The following BICD1 variants were observed in gnomAD, a reference collection of about 807,000 sequenced individuals.
The protein encoded by BICD1 is protein bicaudal D homolog 1.
Under a neutral mutation model 92.5 loss-of-function variants are expected in BICD1, and 35 were observed. That is an observed-to-expected ratio of 0.38 (90% CI 0.29 to 0.50). The LOEUF is 0.50. Ranked by LOEUF, BICD1 falls within the 20% of genes least tolerant of loss-of-function variation. BICD1 has a pLI of 0.93. For missense variants in BICD1, 950 were observed against 1,189.8 expected, an observed-to-expected ratio of 0.80 and a Z score of 2.97; for synonymous variants, 429 against 465.1, an observed-to-expected ratio of 0.92 and a Z score of 1.00.
At chr12:32,185,241 G>A (rs1274089715) in intron 1 of BICD1, among the ~76,000 whole-genome samples, 2 of 152,116 alleles carry the variant, frequency 1.3e-5, no homozygotes, top group African/African-American at 4.8e-5. Flanking sequence ...TCACAGGAAT[G>A]TTTTATTATT....
intron 2 of BICD1, among the ~76,000 whole-genome samples, chr12:32,288,878 T>A (rs979937210): frequency 4.6e-5 from 7 of 151,126 alleles, no homozygotes; most frequent in Non-Finnish European, 8.8e-5. Flanking sequence ...AAAAAAAAAA[T>A]TATAGTAATT....
intron 1 of BICD1, among the ~76,000 whole-genome samples, chr12:32,188,251 A>T (rs1944474730): frequency 6.6e-6 from 1 of 152,136 alleles, no homozygotes; most frequent in South Asian, 2.1e-4. Context: ...TATAAATGCA[A>T]TTTTATTTAC....
Position 32,147,891 on chromosome 12 carries a change from C to G in BICD1, c.213+40347C>G, listed in dbSNP as rs144552720. Among the ~76,000 whole-genome samples, 1,042 of 152,176 alleles carry G rather than the reference C, an allele frequency of 6.8e-3. 10 individuals are homozygous for G. Among genetic ancestry groups the G allele is most frequent in the Middle Eastern group, 0.017 (5 of 294 alleles). On this transcript the variant is annotated intron_variant, in intron 1 of 9. Coordinates refer to ENST00000652176, the MANE Select transcript of BICD1 (RefSeq NM_001714.4). ...CTGTGGCACACGCCTAAAATTGTAGCACTTTGGGAGGCTGAAGTGGGAGGA... is the reference window on the plus strand; with the variant it reads ...CTGTGGCACACGCCTAAAATTGTAGGACTTTGGGAGGCTGAAGTGGGAGGA...
intron 8 of BICD1, among the ~76,000 whole-genome samples, chr12:32,355,026 CATT>C (rs1939044833): frequency 6.6e-6 from 1 of 152,134 alleles, no homozygotes; most frequent in Non-Finnish European, 1.5e-5. Flanking sequence ...AATTCACTAA[CATT>C]ATTAATCATT....
intron 2 of BICD1, among the ~76,000 whole-genome samples, chr12:32,284,478 C>T (rs934026170): frequency 1.3e-5 from 2 of 152,150 alleles, no homozygotes; most frequent in Admixed American, 6.5e-5. Flanking sequence ...CATCAGTCAG[C>T]GACCAAATCC....
intron 1 of BICD1, among the ~76,000 whole-genome samples, chr12:32,118,655 A>G (rs908562736): frequency 2.0e-5 from 3 of 152,142 alleles, no homozygotes; most frequent in Admixed American, 2.0e-4. Context: ...CAAATACTAC[A>G]CTATTTTATC....
chr12:32,358,266 A>G (rs1369675849), intron 8 of BICD1, among the ~76,000 whole-genome samples: 1 of 151,712 alleles, frequency 6.6e-6, no homozygotes, highest in African/African-American at 2.4e-5. Context: ...ATGCCCAGCT[A>G]ATTTTTGTTA....
In BICD1 at chr12:32,346,590, A is replaced by ATATATATATATATATATACGTG. The variant is rs1555171248; in HGVS notation, c.2764+7629_2764+7630insCGTGTATATATATATATATATA. On this transcript the variant is annotated intron_variant, in intron 8 of 9. Coordinates refer to ENST00000652176, the MANE Select transcript of BICD1 (RefSeq NM_001714.4). ...TATATATATATATATATACGTGTAT[A>ATATATATATATATATATACGTG]TATATATATATATATATATATACGT... Among the ~76,000 whole-genome samples the ATATATATATATATATATACGTG allele has an allele frequency of 1.6e-3, 10 of 6,072 alleles. 1 individual carries two copies. The highest frequency in any genetic ancestry group is 0.013 in the South Asian group (1 of 76). 4.0% of individuals were successfully genotyped at this position (6,072 alleles called of 152,430 possible).
chr12:32,277,360 C>G (rs1356253292), intron 2 of BICD1, among the ~76,000 whole-genome samples: 1 of 152,174 alleles, frequency 6.6e-6, no homozygotes, highest in Non-Finnish European at 1.5e-5. Flanking sequence ...TGCCACTGCA[C>G]TCCAGCCTGG....
intron 1 of BICD1, among the ~76,000 whole-genome samples, chr12:32,170,368 A>G (rs1035863700): frequency 1.3e-5 from 2 of 152,232 alleles, no homozygotes; most frequent in African/African-American, 4.8e-5. Flanking sequence ...GGCAGGATAT[A>G]CATTCAATAA....
chr12:32,232,820 T>C (rs1945932457), intron 2 of BICD1, among the ~76,000 whole-genome samples: 1 of 152,164 alleles, frequency 6.6e-6, no homozygotes, highest in African/African-American at 2.4e-5. Flanking sequence ...TAGCCAGTTT[T>C]CCCAGCACCA....
chr12:32,221,806 G>A (rs1945540557), intron 2 of BICD1, among the ~76,000 whole-genome samples: 1 of 152,074 alleles, frequency 6.6e-6, no homozygotes, highest in Admixed American at 6.5e-5. Flanking sequence ...ATCCTACAGG[G>A]CCAATAATAG....
At chr12:32,345,059 G>T (rs1938515776) in intron 8 of BICD1, among the ~76,000 whole-genome samples, 1 of 152,160 alleles carries the variant, frequency 6.6e-6, no homozygotes, top group Non-Finnish European at 1.5e-5. Context: ...GGCCAAAGCA[G>T]GAGGATTGCT....
chr12:32,223,778 T>C (rs1178009551), intron 2 of BICD1, among the ~76,000 whole-genome samples: 1 of 152,214 alleles, frequency 6.6e-6, no homozygotes, highest in East Asian at 1.9e-4. Flanking sequence ...AAAGTACGAT[T>C]CTTTCACTTG....
chr12:32,225,708 C>T (rs1248070954), intron 2 of BICD1, among the ~76,000 whole-genome samples: 1 of 148,486 alleles, frequency 6.7e-6, no homozygotes, highest in African/African-American at 2.5e-5. Context: ...GCAACCTCCA[C>T]CTTCCGGGTT....
chr12:32,247,947 G>A (rs899887382), intron 2 of BICD1, among the ~76,000 whole-genome samples: 2 of 151,686 alleles, frequency 1.3e-5, no homozygotes, highest in African/African-American at 2.4e-5. Flanking sequence ...TAGCCACGTG[G>A]TGGTGCGCAC....
At chr12:32,144,866 G>A (rs1413276415) in intron 1 of BICD1, among the ~76,000 whole-genome samples, 1 of 152,178 alleles carries the variant, frequency 6.6e-6, no homozygotes, top group Non-Finnish European at 1.5e-5. Context: ...TCACCTCAGA[G>A]CTCAGAGTGC....
At chr12:32,369,725 C>A (rs1223573926) in intron 9 of BICD1, among the ~76,000 whole-genome samples, 1 of 150,024 alleles carries the variant, frequency 6.7e-6, no homozygotes, top group Non-Finnish European at 1.5e-5. Context: ...GACCTCCACC[C>A]CCGACCTCTA....
intron 2 of BICD1, among the ~76,000 whole-genome samples, chr12:32,290,188 A>G (rs927961456): frequency 8.4e-6 from 1 of 119,596 alleles, no homozygotes; most frequent in Non-Finnish European, 1.9e-5. Context: ...GTAGGTTGAA[A>G]GCAGGTTTCC....
Sources: gnomAD v4.1 joint callset for allele counts (sites outside exome capture counted in the v4.1 genomes callset) on GRCh38, gnomAD v4.1.1 for gene constraint, MANE v1.5 for transcripts, NCBI Gene and HGNC (gene_info 2026-07-23, HGNC 2026-07-21) for gene names.